Variants in SYT14 observed in about 807,000 individuals in gnomAD.
SYT14 encodes synaptotagmin 14.
SYT14 carries 32 observed loss-of-function variants against 74.2 expected under a neutral mutation model. The ratio of observed to expected loss-of-function variants is 0.43; its 90% CI spans 0.33 to 0.58. SYT14 has a LOEUF of 0.58. Ranked by LOEUF, SYT14 falls within the 20% of genes least tolerant of loss-of-function variation. The pLI is 0.05. For missense variants in SYT14, 791 were observed against 981.8 expected (o/e 0.81, Z 2.60); for synonymous variants, 298 against 337.7 (o/e 0.88, Z 1.29).
At chr1:210,034,854 T>C (rs2080624042) in intron 5 of SYT14, among the ~76,000 whole-genome samples, 1 of 151,916 alleles carries the variant, frequency 6.6e-6, no homozygotes, top group Non-Finnish European at 1.5e-5. Context: ...GTAAACCACA[T>C]TTTCTTTATT....
At chr1:210,000,500 A>ACACACAC (rs3031236) in intron 2 of SYT14, among the ~76,000 whole-genome samples, 6 of 150,612 alleles carry the variant, frequency 4.0e-5, no homozygotes, top group South Asian at 4.2e-4. Context: ...ACACACACAC[A>ACACACAC]ATCTAAGAAA....
At chr1:210,072,246 A>G (rs1335900863) in intron 5 of SYT14, among the ~76,000 whole-genome samples, 1 of 151,666 alleles carries the variant, frequency 6.6e-6, no homozygotes, top group Non-Finnish European at 1.5e-5. Flanking sequence ...CTTGTGTTTG[A>G]TGAGACACAG....
At chr1:209,977,136 C>G (rs1387078159) in intron 2 of SYT14, among the ~76,000 whole-genome samples, 1 of 152,156 alleles carries the variant, frequency 6.6e-6, no homozygotes, top group African/African-American at 2.4e-5. Flanking sequence ...ATACAGCACA[C>G]TGATTGGTCT....
chr1:210,067,083 T>C (rs951876624), intron 5 of SYT14, among the ~76,000 whole-genome samples: 1 of 152,068 alleles, frequency 6.6e-6, no homozygotes, highest in Non-Finnish European at 1.5e-5. Flanking sequence ...TTGAATGGCC[T>C]TGGCACCCTT....
intron 2 of SYT14, among the ~76,000 whole-genome samples, chr1:209,958,064 A>T (rs568032823): frequency 6.6e-6 from 1 of 151,924 alleles, no homozygotes; most frequent in African/African-American, 2.4e-5. Context: ...TTTCATATTT[A>T]TGTTATTAAT....
exon 10 of SYT14, chr1:210,162,171 A>G: frequency 6.8e-6 from 3 of 438,024 alleles, no homozygotes; most frequent in South Asian, 3.2e-5. Flanking sequence ...TGAAGTTTCT[A>G]GTAACTTGTA....
chr1:210,080,830 C>T (rs1402352501), intron 5 of SYT14, among the ~76,000 whole-genome samples: 1 of 152,072 alleles, frequency 6.6e-6, no homozygotes, highest in East Asian at 1.9e-4. Context: ...AACATGCATG[C>T]ATAGATGGAT....
intron 2 of SYT14, among the ~76,000 whole-genome samples, chr1:209,956,061 T>C (rs765161821): frequency 3.3e-5 from 5 of 152,194 alleles, no homozygotes; most frequent in South Asian, 2.1e-4. Flanking sequence ...TTCTTTCAGA[T>C]TGTAAGCACC....
At chr1:210,066,274 T>C (rs1273435326) in intron 5 of SYT14, among the ~76,000 whole-genome samples, 1 of 151,980 alleles carries the variant, frequency 6.6e-6, no homozygotes, top group Admixed American at 6.6e-5. Flanking sequence ...ATGGTATTTC[T>C]AGTTCTAGAT....
chr1:210,099,982 A>G, intron 6 of SYT14, 30 bp from the exon 6 acceptor site: 6 of 1,596,060 alleles, frequency 3.8e-6, no homozygotes, highest in Non-Finnish European at 5.1e-6. Context: ...TTGAGTTAAA[A>G]ACTCTAACAT....
chr1:210,060,588 T>G (rs2102409763), intron 5 of SYT14, among the ~76,000 whole-genome samples: 1 of 152,174 alleles, frequency 6.6e-6, no homozygotes, highest in African/African-American at 2.4e-5. Context: ...CTTATTTACC[T>G]TTAGAGAGGT....
At chr1:210,055,480 G>A (rs1181349077) in intron 5 of SYT14, among the ~76,000 whole-genome samples, 1 of 152,060 alleles carries the variant, frequency 6.6e-6, no homozygotes, top group Non-Finnish European at 1.5e-5. Context: ...TTTATTGATT[G>A]AGAGGGCAAA....
At chr1:210,015,430 T>A (rs1380839400) in intron 3 of SYT14, among the ~76,000 whole-genome samples, 2 of 152,204 alleles carry the variant, frequency 1.3e-5, no homozygotes, top group Non-Finnish European at 2.9e-5. Context: ...CTAGAATTAC[T>A]GTAAAATCAA....
At chr1:210,017,210 A>G in intron 4 of SYT14, 1 of 736,222 alleles carries the variant, frequency 1.4e-6, no homozygotes, top group South Asian at 7.3e-5. Context: ...TCTATATTTA[A>G]GACTTTCTTG....
chr1:210,163,152 G>A, exon 10 of SYT14: 1 of 453,646 alleles, frequency 2.2e-6, no homozygotes, highest in Non-Finnish European at 4.4e-6. Context: ...AGAGTTATCA[G>A]TCTTATCTGT....
At chr1:210,103,583 G>A (rs773644977) in intron 7 of SYT14, among the ~76,000 whole-genome samples, 5 of 145,956 alleles carry the variant, frequency 3.4e-5, no homozygotes, top group Non-Finnish European at 6.0e-5. Flanking sequence ...TTAACATTAA[G>A]ATATAGTTTG....
At chr1:210,114,665 G>A (rs552695809) in intron 7 of SYT14, among the ~76,000 whole-genome samples, 6 of 151,114 alleles carry the variant, frequency 4.0e-5, no homozygotes, top group East Asian at 1.9e-4. Context: ...GGGAGAGGTC[G>A]GATAAAGAAA....
intron 1 of SYT14, among the ~76,000 whole-genome samples, chr1:209,945,834 C>A (rs1435337697): frequency 6.6e-6 from 1 of 152,158 alleles, no homozygotes; most frequent in African/African-American, 2.4e-5. Flanking sequence ...CCTTGCACTT[C>A]ATTTTGTTGT....
At chr1:210,106,547 C>T (rs1038618026) in intron 7 of SYT14, among the ~76,000 whole-genome samples, 3 of 152,248 alleles carry the variant, frequency 2.0e-5, no homozygotes, top group Middle Eastern at 3.4e-3. Context: ...CAAACATGTC[C>T]TTCTCCACAT....
Sources: gnomAD v4.1 joint callset for allele counts (sites outside exome capture counted in the v4.1 genomes callset) on GRCh38, gnomAD v4.1.1 for gene constraint, MANE v1.5 for transcripts, NCBI Gene and HGNC (gene_info 2026-07-23, HGNC 2026-07-21) for gene names.